The following VPS54 variants were observed in gnomAD, a reference collection of about 807,000 sequenced individuals.
The protein encoded by VPS54 is vacuolar protein sorting-associated protein 54.
In VPS54, 45 loss-of-function variants were observed where a neutral mutation model predicts 121.5. That is an observed-to-expected ratio of 0.37 (90% CI 0.29 to 0.47). The LOEUF (loss-of-function observed/expected upper bound fraction) is 0.47, where lower values mean the gene tolerates loss of function less well. Among genes scored for constraint, VPS54 ranks in the 20% least tolerant of loss-of-function variants. The pLI is 0.99. For synonymous variants in VPS54, 371 were observed against 385.8 expected (o/e 0.96, Z 0.45); for missense variants, 1,090 against 1,131.4 (o/e 0.96, Z 0.52).
intron 3 of VPS54, 51 bp downstream of exon 3, chr2:63,981,595 A>C: frequency 6.6e-7 from 1 of 1,506,670 alleles, no homozygotes; most frequent in Non-Finnish European, 8.9e-7. Context: ...CATACTAAAA[A>C]TATTTCTATT....
intron 12 of VPS54, among the ~76,000 whole-genome samples, chr2:63,925,147 T>C (rs1673838479): frequency 6.6e-6 from 1 of 152,194 alleles, no homozygotes; most frequent in Non-Finnish European, 1.5e-5. Context: ...ATCTGCAATA[T>C]GGACAACTGG....
intron 20 of VPS54, among the ~76,000 whole-genome samples, chr2:63,909,919 G>A (rs1350462583): frequency 6.6e-6 from 1 of 151,400 alleles, no homozygotes; most frequent in Non-Finnish European, 1.5e-5. Context: ...TAGAGACAGG[G>A]TTTCACCATA....
chr2:64,009,845 C>A (rs940113262), intron 1 of VPS54, among the ~76,000 whole-genome samples: 19 of 93,796 alleles, frequency 2.0e-4, no homozygotes, highest in African/African-American at 7.7e-4. Context: ...ATATAATTGA[C>A]CCTTTTTTTT....
Position 63,920,567 on chromosome 2 carries a change from T to C in VPS54, c.1930A>G (p.Thr644Ala), listed in dbSNP as rs1321608987. The C allele has an allele frequency of 1.9e-6, 3 of 1,574,794 alleles. No homozygotes were observed. In the South Asian group the frequency reaches 3.5e-5, roughly 18 times the overall value. Residue 644 changes from threonine to alanine, a missense_variant, in exon 14 of 23, where the codon ACA becomes GCA. This residue lies in a region of VPS54 where 801 missense variants were observed against 757.0 expected (regional missense o/e 1.06). Coordinates refer to ENST00000272322, the MANE Select transcript of VPS54 (RefSeq NM_016516.3). Reference protein sequence around the residue: ...EFITLSRLMETFILDTEQICG... With the variant: ...EFITLSRLMEAFILDTEQICG... ...ATCTGTTCGGTGTCTAAAATGAATG[T>C]TTCCATTAATCTAGAAAGTGTTATG... is the stretch of plus-strand genomic sequence containing the variant.
intron 20 of VPS54, among the ~76,000 whole-genome samples, chr2:63,910,483 CAATT>C (rs1254963057): frequency 6.6e-6 from 1 of 151,930 alleles, no homozygotes; most frequent in African/African-American, 2.4e-5. Context: ...ATTTTTGGGA[CAATT>C]AATAAGTTTC....
intron 1 of VPS54, among the ~76,000 whole-genome samples, chr2:64,005,790 T>C (rs1043393795): frequency 6.6e-6 from 1 of 152,166 alleles, no homozygotes; most frequent in African/African-American, 2.4e-5. Context: ...TAAGTTAAAA[T>C]AAAGATGTAA....
At chr2:64,017,076 T>C (rs1678736441) in intron 1 of VPS54, among the ~76,000 whole-genome samples, 1 of 133,710 alleles carries the variant, frequency 7.5e-6, no homozygotes, top group Non-Finnish European at 1.6e-5. Context: ...GGGCGGTGGC[T>C]CACACCTCTA....
At chr2:63,942,667 G>T in intron 10 of VPS54, 106 bp from the exon 11 acceptor site, 2 of 902,338 alleles carry the variant, frequency 2.2e-6, no homozygotes, top group Non-Finnish European at 1.6e-6. Flanking sequence ...GTGATAAAAT[G>T]CAATTTCATC....
chr2:63,937,201 G>A (rs544728908), intron 11 of VPS54, among the ~76,000 whole-genome samples: 1 of 151,916 alleles, frequency 6.6e-6, no homozygotes, highest in South Asian at 2.1e-4. Flanking sequence ...CATTAACAGA[G>A]TAAAAAGGCA....
chr2:63,940,824 G>C (rs1674690497), intron 11 of VPS54, among the ~76,000 whole-genome samples: 1 of 152,146 alleles, frequency 6.6e-6, no homozygotes, highest in African/African-American at 2.4e-5. Flanking sequence ...TGATGATGAG[G>C]TCATGGTCAG....
intron 7 of VPS54, among the ~76,000 whole-genome samples, chr2:63,961,034 C>T (rs1675744654): frequency 6.6e-6 from 1 of 152,200 alleles, no homozygotes; most frequent in Non-Finnish European, 1.5e-5. Context: ...AGCAATCTTT[C>T]CATTCATCAT....
At chr2:63,976,859 T>C (rs188383458) in intron 3 of VPS54, among the ~76,000 whole-genome samples, 1,636 of 142,738 alleles carry the variant, frequency 0.011, 14 homozygotes, top group Non-Finnish European at 0.014. Context: ...GACAGAGTCT[T>C]GCTCTGTCAC....
intron 1 of VPS54, among the ~76,000 whole-genome samples, chr2:64,000,576 G>A (rs1302476475): frequency 2.0e-5 from 3 of 152,214 alleles, no homozygotes; most frequent in Non-Finnish European, 4.4e-5. Context: ...TGTGATTTAA[G>A]CTGTATCTGC....
At chr2:64,008,396 A>T (rs1272209288) in intron 1 of VPS54, among the ~76,000 whole-genome samples, 2 of 143,710 alleles carry the variant, frequency 1.4e-5, no homozygotes, top group Non-Finnish European at 3.0e-5. Context: ...CCTGGGTGAC[A>T]GAGCGCGACT....
intron 22 of VPS54, 128 bp from the exon 23 acceptor site, chr2:63,893,663 ATACTT>A (rs940436918): frequency 4.8e-5 from 35 of 733,522 alleles, no homozygotes; most frequent in Admixed American, 1.2e-4. Flanking sequence ...AAGTGTCCAA[ATACTT>A]TACTTAGCAG....
At chr2:63,988,908 T>C (rs1377917867) in intron 1 of VPS54, among the ~76,000 whole-genome samples, 1 of 152,182 alleles carries the variant, frequency 6.6e-6, no homozygotes, top group East Asian at 1.9e-4. Flanking sequence ...ATTTCTCTTA[T>C]TGCCAAAAAC....
intron 1 of VPS54, among the ~76,000 whole-genome samples, chr2:64,001,076 G>A (rs910664731): frequency 1.3e-5 from 2 of 152,140 alleles, no homozygotes; most frequent in African/African-American, 2.4e-5. Flanking sequence ...AGCTGAGCTG[G>A]CCCTCAAATC....
Position 63,897,028 on chromosome 2 carries a change from T to C in VPS54, c.2828+468A>G, listed in dbSNP as rs551412600. Among the ~76,000 whole-genome samples, 101 of 152,292 alleles carry C rather than the reference T, an allele frequency of 6.6e-4. 2 individuals are homozygous for C. The South Asian group carries it at 0.02, about 31-fold the overall frequency. ...TATGCTTTCTATGTACTATGCTATT[T>C]TACAGTAATATATACAATCTTTCAA... On this transcript the variant is annotated intron_variant, in intron 22 of 22. Transcript: ENST00000272322.
At chr2:63,990,864 C>T (rs529879613) in intron 1 of VPS54, among the ~76,000 whole-genome samples, 3 of 152,292 alleles carry the variant, frequency 2.0e-5, no homozygotes, top group Non-Finnish European at 4.4e-5. Flanking sequence ...GATGCTTGTA[C>T]TCAGTATGGT....
Sources: gnomAD v4.1 joint callset for allele counts (sites outside exome capture counted in the v4.1 genomes callset) on GRCh38, gnomAD v4.1.1 for gene constraint, gnomAD v4.1.1 regional missense constraint, MANE v1.5 for transcripts, NCBI Gene and HGNC (gene_info 2026-07-23, HGNC 2026-07-21) for gene names.